Variants in CPAMD8 observed in about 807,000 individuals in gnomAD.
The protein encoded by CPAMD8 is C3 and PZP-like alpha-2-macroglobulin domain-containing protein 8.
In CPAMD8, 146 loss-of-function variants were observed where a neutral mutation model predicts 224.7. The ratio of observed to expected loss-of-function variants is 0.65; its 90% CI spans 0.57 to 0.75. The LOEUF is 0.75. Among genes scored for constraint, CPAMD8 ranks in the 30% least tolerant of loss-of-function variants. The pLI is 0.00. For missense variants in CPAMD8, 2,301 were observed against 2,537.5 expected (o/e 0.91, Z 2.00); for synonymous variants, 966 against 1,044.6 (o/e 0.92, Z 1.45).
At position 16,970,964 on chromosome 19, in the gene CPAMD8, C is replaced by T. The variant is rs375291206; in HGVS notation, c.2140G>A (p.Asp714Asn). 5.3e-5 allele frequency: 86 copies of T among 1,613,756 alleles called. No individual in the cohort carries two copies. Among genetic ancestry groups the T allele is most frequent in the Non-Finnish European group, 5.7e-5 (67 of 1,179,902 alleles). ...NHRQDGGLYT[D>N]EAVPAFQPHT... is the part of the protein sequence containing the mutation. ...GGCTGGAAAGCGGGGACAGCCTCAT[C>T]GGTGTAGAGGCCACCGTCCTGCCGG... The change falls in exon 18 of 42, where the codon GAT becomes AAT. Residue 714 changes from aspartate to asparagine, a missense_variant. Transcript: ENST00000443236.
intron 26 of CPAMD8, among the ~76,000 whole-genome samples, chr19:16,923,872 C>T (rs2053263012): frequency 1.3e-5 from 2 of 152,064 alleles, no homozygotes; most frequent in Non-Finnish European, 2.9e-5. Flanking sequence ...GGGAGGCTCA[C>T]TTGAGCCCAG....
intron 30 of CPAMD8, among the ~76,000 whole-genome samples, chr19:16,904,781 CA>C (rs2144752023): frequency 6.6e-6 from 1 of 152,320 alleles, no homozygotes; most frequent in South Asian, 2.1e-4. Context: ...CATCGTGAAT[CA>C]ATGGCTACCC....
chr19:16,960,181 C>T (rs1314768067), intron 18 of CPAMD8, among the ~76,000 whole-genome samples: 1 of 151,852 alleles, frequency 6.6e-6, no homozygotes, highest in Non-Finnish European at 1.5e-5. Context: ...CACAGTTCAC[C>T]CTCCTCAAAG....
intron 30 of CPAMD8, among the ~76,000 whole-genome samples, chr19:16,905,694 T>C (rs2052450633): frequency 6.6e-6 from 1 of 152,006 alleles, no homozygotes; most frequent in Admixed American, 6.6e-5. Context: ...GGATCCTCTT[T>C]AAACTTTTTT....
At chr19:16,960,164 G>A (rs1244904481) in intron 18 of CPAMD8, among the ~76,000 whole-genome samples, 3 of 150,324 alleles carry the variant, frequency 2.0e-5, no homozygotes, top group African/African-American at 7.4e-5. Context: ...TTGAGCCTCA[G>A]AAGCCTCACA....
At chr19:16,944,882 G>A (rs2054017989) in intron 22 of CPAMD8, among the ~76,000 whole-genome samples, 1 of 134,650 alleles carries the variant, frequency 7.4e-6, no homozygotes, top group African/African-American at 3.3e-5. Flanking sequence ...TCGGGCTGCT[G>A]TTAGGGGCTG....
At chr19:16,910,675 G>A (rs2052693114) in intron 29 of CPAMD8, 1 of 151,654 alleles carries the variant, frequency 6.6e-6, no homozygotes, top group African/African-American at 2.4e-5. Context: ...ACTTAGTGCA[G>A]ACACTTGATT....
intron 22 of CPAMD8, among the ~76,000 whole-genome samples, chr19:16,939,379 TTA>T (rs990414826): frequency 4.6e-5 from 7 of 151,912 alleles, no homozygotes; most frequent in Non-Finnish European, 7.4e-5. Flanking sequence ...AGCTAATTTT[TTA>T]TATTTTTAGT....
chr19:16,895,903 G>GCGCACACACACACACACA (rs755564239), intron 41 of CPAMD8: 1 of 524,420 alleles, frequency 1.9e-6, no homozygotes. Context: ...GCGCGCGCAC[G>GCGCACACACACACACACA]CACACACACA....
Position 16,952,173 on chromosome 19 carries a change from A to T in CPAMD8, c.2304T>A (p.Ser768Arg), listed in dbSNP as rs1436763692. The change falls in exon 20 of 42, where the codon AGT becomes AGA. Residue 768 changes from serine to arginine, a missense_variant. Around this residue, in one of 4 missense-constraint regions of CPAMD8, gnomAD observed 1,709 missense variants for 1,753.2 expected, o/e 0.97. Coordinates refer to ENST00000443236, the MANE Select transcript of CPAMD8 (RefSeq NM_015692.5). ...ISDPSGEGTLSVKVPDSITSW... is the reference protein window; with the variant it reads ...ISDPSGEGTLRVKVPDSITSW... ...TGGTGATGGAGTCCGGGACCTTCAC[A>T]CTGAGTGTCCCCTCACCAGATGGGT... 1.3e-6 allele frequency: 2 copies of T among 1,545,722 alleles called. No individual in the cohort carries two copies. Among genetic ancestry groups the T allele is most frequent in the African/African-American group, 2.7e-5 (2 of 72,924 alleles).
chr19:16,961,225 G>C (rs1213413986), intron 18 of CPAMD8, among the ~76,000 whole-genome samples: 1 of 152,178 alleles, frequency 6.6e-6, no homozygotes, highest in Non-Finnish European at 1.5e-5. Flanking sequence ...CCTTACCCGG[G>C]AAGCACAAGG....
At chr19:17,016,714 C>A (rs748348234) in intron 3 of CPAMD8, among the ~76,000 whole-genome samples, 7 of 151,946 alleles carry the variant, frequency 4.6e-5, no homozygotes, top group Non-Finnish European at 1.5e-5. Context: ...GAGCTGAGAT[C>A]GTGCCACTGC....
intron 23 of CPAMD8, among the ~76,000 whole-genome samples, chr19:16,929,672 C>T (rs1568488083): frequency 6.6e-6 from 1 of 152,140 alleles, no homozygotes; most frequent in Non-Finnish European, 1.5e-5. Context: ...TGCATTCCAG[C>T]CTGGGTGACT....
chr19:16,993,051 T>C (rs1167315935), intron 12 of CPAMD8, among the ~76,000 whole-genome samples: 1 of 152,184 alleles, frequency 6.6e-6, no homozygotes, highest in Non-Finnish European at 1.5e-5. Context: ...TGGCTCAATG[T>C]AGTTGAGCAC....
chr19:16,914,454 A>C lies in CPAMD8; in HGVS notation c.3831T>G (p.Val1277=). 1 of 1,614,196 alleles carries C rather than the reference A, an allele frequency of 6.2e-7. No homozygotes were observed. The highest frequency in any genetic ancestry group is 8.5e-7 in the Non-Finnish European group (1 of 1,180,016). The change falls in exon 29 of 42, where the codon GTT becomes GTG. Residue 1277 remains valine, a synonymous_variant. Transcript: ENST00000443236. ...AGGCTGTGCCTGTTTCCAGGAGAGCAACCACCACGTAGGCTGTCAGCGGGA... is the reference window on the plus strand; with the variant it reads ...AGGCTGTGCCTGTTTCCAGGAGAGCCACCACCACGTAGGCTGTCAGCGGGA... The part of the protein sequence containing the change: ...GTVPLTAYVV[V]ALLETGTASE...
chr19:16,907,180 C>T, intron 29 of CPAMD8, 63 bp from the exon 30 acceptor site: 1 of 1,448,262 alleles, frequency 6.9e-7, no homozygotes, highest in Non-Finnish European at 9.1e-7. Flanking sequence ...CACCCACCCA[C>T]TGGCTTCTGA....
Position 17,022,150 on chromosome 19 carries a change from G to A in CPAMD8, c.124C>T (p.Arg42Cys), listed in dbSNP as rs370851142. ...GYLIAAPSVF[R>C]AGVEEVISVT... is the part of the protein sequence containing the mutation. ...CTGATGACTTCCTCCACGCCCGCGC[G>A]AAAAACAGAGGGAGCTGCAATCAAG... Residue 42 changes from arginine to cysteine, a missense_variant, in exon 2 of 42, where the codon CGC becomes TGC. By Grantham distance (180) the Arg-to-Cys change is radical. Around this residue, in one of 4 missense-constraint regions of CPAMD8, gnomAD observed 283 missense variants for 340.6 expected, o/e 0.83. Coordinates refer to ENST00000443236, the MANE Select transcript of CPAMD8 (RefSeq NM_015692.5). The A allele has an allele frequency of 1.6e-4, 256 of 1,610,032 alleles. 2 individuals are homozygous for A. The South Asian group carries it at 2.0e-3, about 13-fold the overall frequency.
intron 8 of CPAMD8, among the ~76,000 whole-genome samples, chr19:17,003,858 C>T (rs575655547): frequency 8.7e-4 from 131 of 151,246 alleles, no homozygotes; most frequent in African/African-American, 3.0e-3. Context: ...TAAACGGGGA[C>T]TCATGTCATC....
intron 7 of CPAMD8, among the ~76,000 whole-genome samples, chr19:17,006,734 C>G (rs964243645): frequency 3.9e-5 from 6 of 152,048 alleles, no homozygotes; most frequent in Admixed American, 1.3e-4. Context: ...GCCTGGCTGT[C>G]CCCCGTTCCT....
Sources: allele counts gnomAD v4.1 joint callset (sites outside exome capture counted in the v4.1 genomes callset), GRCh38; gene constraint gnomAD v4.1.1; regional missense constraint gnomAD v4.1.1; transcripts MANE v1.5; gene names NCBI Gene and HGNC (gene_info 2026-07-23, HGNC 2026-07-21).